The following SYT17 variants were observed in gnomAD, a reference collection of about 807,000 sequenced individuals.
SYT17 encodes the protein synaptotagmin 17, also known as synaptotagmin-17.
SYT17 carries 22 observed loss-of-function variants against 46.7 expected under a neutral mutation model. The observed-to-expected ratio is 0.47, with a 90% CI of 0.34 to 0.67. SYT17 has a LOEUF of 0.67. Among genes scored for constraint, SYT17 ranks in the 30% least tolerant of loss-of-function variants. SYT17 has a pLI of 0.01. For missense variants in SYT17, 519 were observed against 612.8 expected (o/e 0.85, Z 1.62); for synonymous variants, 251 against 248.4 (o/e 1.01, Z -0.10).
chr16:19,198,207 C>T (rs1169079670), intron 5 of SYT17, among the ~76,000 whole-genome samples: 1 of 152,154 alleles, frequency 6.6e-6, no homozygotes, highest in Non-Finnish European at 1.5e-5. Flanking sequence ...AAGTTAGAAC[C>T]TCTGCCCACC....
At chr16:19,193,768 AC>A (rs1965121686) in intron 5 of SYT17, among the ~76,000 whole-genome samples, 1 of 152,116 alleles carries the variant, frequency 6.6e-6, no homozygotes, top group Admixed American at 6.5e-5. Context: ...AGTGTAGCCT[AC>A]CCCAGGGGTG....
intron 7 of SYT17, among the ~76,000 whole-genome samples, chr16:19,234,936 G>C (rs1966828003): frequency 6.6e-6 from 1 of 152,200 alleles, no homozygotes; most frequent in African/African-American, 2.4e-5. Context: ...AAAGCTGCCA[G>C]TGGTATGATG....
At chr16:19,247,064 A>C (rs912451029) in intron 7 of SYT17, among the ~76,000 whole-genome samples, 1 of 152,206 alleles carries the variant, frequency 6.6e-6, no homozygotes. Context: ...GAGATCAGAG[A>C]TATACCATGT....
chr16:19,248,395 A>C (rs1189674855), intron 7 of SYT17, among the ~76,000 whole-genome samples: 1 of 152,204 alleles, frequency 6.6e-6, no homozygotes, highest in African/African-American at 2.4e-5. Context: ...AAACAAAAAC[A>C]TATGTCTACA....
chr16:19,249,090 T>C (rs1967818842), intron 7 of SYT17, among the ~76,000 whole-genome samples: 1 of 151,878 alleles, frequency 6.6e-6, no homozygotes, highest in African/African-American at 2.4e-5. Context: ...CTGGCTAACA[T>C]GGTGAAACCC....
Position 19,186,089 on chromosome 16 carries a change from C to T in SYT17, c.951+1942C>T, listed in dbSNP as rs73532721. ...CAGGTCACTGCGGGAGCAGGTTTCT[C>T]CCAGACAAGGGCTGGCTCCTCACCC... is the stretch of plus-strand genomic sequence containing the variant. On this transcript the variant is annotated intron_variant, in intron 5 of 7. Transcript: ENST00000355377. Among the ~76,000 whole-genome samples, 920 of 152,252 alleles carry T rather than the reference C, an allele frequency of 6.0e-3. 8 individuals carry two copies. The highest frequency in any genetic ancestry group is 0.021 in the African/African-American group (862 of 41,542).
At chr16:19,205,213 A>G (rs1411458864) in intron 5 of SYT17, among the ~76,000 whole-genome samples, 1 of 151,956 alleles carries the variant, frequency 6.6e-6, no homozygotes, top group Middle Eastern at 3.2e-3. Context: ...TCTAAATGAG[A>G]CTCAGCCCCT....
Position 19,168,702 on chromosome 16 carries a change from G to C in SYT17, c.15+41G>C, listed in dbSNP as rs972298525. On this transcript the variant is annotated intron_variant, in intron 1 of 7. Transcript: ENST00000355377. The surrounding 1 kb of genome is among the most constrained non-coding windows in gnomAD (Gnocchi z 6.9). ...GGGGCAAGGTCCGGGGTGCGGGTAGGGGGTGCCGCGCCCCCTCCGGCTGGG... is the reference window on the plus strand; with the variant it reads ...GGGGCAAGGTCCGGGGTGCGGGTAGCGGGTGCCGCGCCCCCTCCGGCTGGG... 2.1e-6 allele frequency: 3 copies of C among 1,450,264 alleles called. No homozygotes were observed. The highest frequency in any genetic ancestry group is 2.7e-6 in the Non-Finnish European group (3 of 1,097,452). 89.8% of individuals were successfully genotyped at this position (1,450,264 alleles called of 1,614,324 possible). A position where few individuals can be genotyped will look rare whatever the true frequency, so the allele number is the denominator to read the frequency against.
chr16:19,266,771 CA>C (rs1211897436), intron 7 of SYT17, 108 bp from the exon 8 acceptor site: 1 of 932,262 alleles, frequency 1.1e-6, no homozygotes, highest in African/African-American at 1.7e-5. Flanking sequence ...CCCATGTTTG[CA>C]GTTGACAAAT....
At chr16:19,246,084 C>T (rs1429392956) in intron 7 of SYT17, among the ~76,000 whole-genome samples, 1 of 151,722 alleles carries the variant, frequency 6.6e-6, no homozygotes, top group Non-Finnish European at 1.5e-5. Flanking sequence ...TGGCTCACTG[C>T]AACCTCTGCC....
At chr16:19,182,010 A>AAG (rs1176411615) in intron 4 of SYT17, among the ~76,000 whole-genome samples, 3 of 151,944 alleles carry the variant, frequency 2.0e-5, no homozygotes, top group Non-Finnish European at 4.4e-5. Flanking sequence ...AAAAAAAAAA[A>AAG]AAAAAAGAGA....
At position 19,222,465 on chromosome 16, in the gene SYT17, T is replaced by G. The variant is rs184356797; in HGVS notation, c.952-580T>G. Among the ~76,000 whole-genome samples the G allele has an allele frequency of 1.6e-4, 25 of 152,246 alleles. No individual in the cohort carries two copies. The East Asian group carries it at 3.5e-3, about 21-fold the overall frequency. On this transcript the variant is annotated intron_variant, in intron 5 of 7. Coordinates refer to ENST00000355377, the MANE Select transcript of SYT17 (RefSeq NM_016524.4). ...CAAGGGATGTCACTGTGCCGAGTGT[T>G]GCTATCGTGAGGTTAGAAGCGTGGG...
chr16:19,263,326 A>G (rs1193113078), intron 7 of SYT17, among the ~76,000 whole-genome samples: 1 of 152,110 alleles, frequency 6.6e-6, no homozygotes, highest in Admixed American at 6.5e-5. Context: ...ATATAAATGG[A>G]TCATAATATA....
chr16:19,192,196 G>C (rs1965049531), intron 5 of SYT17, among the ~76,000 whole-genome samples: 1 of 152,232 alleles, frequency 6.6e-6, no homozygotes, highest in South Asian at 2.1e-4. Context: ...TAGGAGGGAG[G>C]ATCACTTGAG....
intron 7 of SYT17, among the ~76,000 whole-genome samples, chr16:19,261,723 T>C (rs987376892): frequency 6.6e-6 from 1 of 152,242 alleles, no homozygotes; most frequent in African/African-American, 2.4e-5. Context: ...TAACATTCTT[T>C]TTAACAAAAA....
chr16:19,246,135 G>A lies in SYT17; in HGVS notation c.1229-20745G>A, dbSNP rs141174614. On this transcript the variant is annotated intron_variant, in intron 7 of 7. Transcript: ENST00000355377. ...GCATCCCAACTAGCTGGGATTACAG[G>A]CACCCACCAGCAAGCCCAGCTAATT... 6.3e-3 allele frequency among the ~76,000 whole-genome samples: 956 copies of A among 151,782 alleles called. 8 individuals are homozygous for A. The highest frequency in any genetic ancestry group is 0.01 in the Non-Finnish European group (709 of 67,930).
intron 5 of SYT17, among the ~76,000 whole-genome samples, chr16:19,192,996 C>T (rs185046069): frequency 2.4e-4 from 36 of 152,246 alleles, no homozygotes; most frequent in African/African-American, 7.7e-4. Flanking sequence ...CTCTGGACCT[C>T]GTTCCGAGAA....
intron 5 of SYT17, among the ~76,000 whole-genome samples, chr16:19,204,498 G>C (rs941614400): frequency 1.3e-5 from 2 of 152,088 alleles, no homozygotes; most frequent in Non-Finnish European, 2.9e-5. Context: ...GTGCTGGACA[G>C]TGAGACAGGA....
At chr16:19,201,839 T>G (rs971599086) in intron 5 of SYT17, among the ~76,000 whole-genome samples, 1 of 152,138 alleles carries the variant, frequency 6.6e-6, no homozygotes, top group Non-Finnish European at 1.5e-5. Context: ...ACTTGCTTAG[T>G]CCAGGCATTA....
Sources: allele counts gnomAD v4.1 joint callset (sites outside exome capture counted in the v4.1 genomes callset), GRCh38; gene constraint gnomAD v4.1.1; non-coding constraint Gnocchi (gnomAD v3.1); transcripts MANE v1.5; gene names NCBI Gene and HGNC (gene_info 2026-07-23, HGNC 2026-07-21).